Variants in MAP4 observed in about 807,000 individuals in gnomAD.
MAP4 encodes microtubule associated protein 4, also known as microtubule-associated protein 4.
Under a neutral mutation model 170.2 loss-of-function variants are expected in MAP4, and 76 were observed. The observed-to-expected ratio is 0.45, with a 90% confidence interval of 0.37 to 0.54. MAP4 has a LOEUF of 0.54. MAP4 is among the 20% of genes least tolerant of loss of function. The probability of loss-of-function intolerance (pLI) is 0.00; values close to 1 mark genes in which losing one functional copy is unlikely to be tolerated. For synonymous variants in MAP4, 909 were observed against 994.5 expected, an observed-to-expected ratio of 0.91 and a Z score of 1.62; for missense variants, 2,506 against 2,748.0, an observed-to-expected ratio of 0.91 and a Z score of 1.97.
chr3:47,884,660 G>A (rs2097279418), intron 10 of MAP4, among the ~76,000 whole-genome samples: 1 of 152,174 alleles, frequency 6.6e-6, no homozygotes, highest in South Asian at 2.1e-4. Context: ...TAGGGGCTGA[G>A]TGATGCTGGA....
intron 19 of MAP4, 39 bp from the exon 20 acceptor site, chr3:47,853,391 CGAGG>C (rs757385520): frequency 2.1e-6 from 3 of 1,411,900 alleles, no homozygotes; most frequent in Non-Finnish European, 2.9e-6. Context: ...CAGGGTCAGT[CGAGG>C]GGGGGAGTGG....
At chr3:47,866,878 G>A (rs897681181) in intron 17 of MAP4, among the ~76,000 whole-genome samples, 1 of 152,136 alleles carries the variant, frequency 6.6e-6, no homozygotes, top group African/African-American at 2.4e-5. Flanking sequence ...TTACTTCCAC[G>A]GTAATTCAAG....
At chr3:47,892,807 C>A in intron 10 of MAP4, 1 of 1,149,738 alleles carries the variant, frequency 8.7e-7, no homozygotes, top group Non-Finnish European at 1.1e-6. Flanking sequence ...CAATTTAAAA[C>A]ACAGTATGGT....
chr3:47,879,339 A>G (rs1576967659), intron 10 of MAP4, among the ~76,000 whole-genome samples: 1 of 152,246 alleles, frequency 6.6e-6, no homozygotes, highest in Non-Finnish European at 1.5e-5. Flanking sequence ...ATGCATTTTA[A>G]AAGAATTTTT....
intron 10 of MAP4, among the ~76,000 whole-genome samples, chr3:47,888,994 C>G (rs2098132047): frequency 6.6e-6 from 1 of 152,174 alleles, no homozygotes; most frequent in Admixed American, 6.5e-5. Context: ...ATGGAAATGA[C>G]AGTCATGCAA....
At chr3:47,932,112 C>T (rs2100050212) in intron 3 of MAP4, among the ~76,000 whole-genome samples, 1 of 152,166 alleles carries the variant, frequency 6.6e-6, no homozygotes, top group Non-Finnish European at 1.5e-5. Context: ...CCCTCGGTAA[C>T]CACTCGTCTA....
At chr3:48,068,766 A>T (rs114790596) in intron 1 of MAP4, among the ~76,000 whole-genome samples, 312 of 152,346 alleles carry the variant, frequency 2.0e-3, no homozygotes, top group Non-Finnish European at 3.7e-3. Context: ...CCTGGGCAAC[A>T]GAGCGTCCGT....
Position 47,956,240 on chromosome 3 carries a change from G to T in MAP4, c.292+21625C>A, listed in dbSNP as rs534643145. 7.2e-5 allele frequency among the ~76,000 whole-genome samples: 11 copies of T among 152,272 alleles called. 1 individual carries two copies. The South Asian group carries it at 2.3e-3, about 32-fold the overall frequency. ...TACATAGGAGGTAGCTCAGACTTCA[G>T]CATTGAGTTCTGTTGCATTGCTTCC... is the stretch of plus-strand genomic sequence containing the variant. On this transcript the variant is annotated intron_variant, in intron 3 of 20. Transcript: ENST00000683076.
In MAP4 at chr3:47,996,024, G is replaced by A. The variant is rs946004280; in HGVS notation, c.223+2614C>T. On this transcript the variant is annotated intron_variant, in intron 2 of 20. Coordinates refer to ENST00000683076, the MANE Select transcript of MAP4 (RefSeq NM_001385682.1). ...AGGATTGTCTTCACAGATGTCTGCC[G>A]CATGCTCACAGGAAAGATTGGAAGC... is the stretch of plus-strand genomic sequence containing the variant. Among the ~76,000 whole-genome samples, 11 of 152,264 alleles carry A rather than the reference G, an allele frequency of 7.2e-5. 1 individual carries two copies. The highest frequency in any genetic ancestry group is 2.4e-4 in the African/African-American group (10 of 41,544).
intron 3 of MAP4, among the ~76,000 whole-genome samples, chr3:47,961,575 C>T (rs1203302473): frequency 1.3e-5 from 2 of 152,120 alleles, no homozygotes; most frequent in Non-Finnish European, 2.9e-5. Context: ...CAATATATTG[C>T]CTCTCAATTC....
intron 3 of MAP4, among the ~76,000 whole-genome samples, chr3:47,965,527 G>A (rs181420013): frequency 6.6e-6 from 1 of 152,196 alleles, no homozygotes; most frequent in East Asian, 1.9e-4. Flanking sequence ...AGTACACAAG[G>A]GTTCTAATTT....
In MAP4 at chr3:47,913,790, TTATGTCCCA is replaced by T. The variant is rs570001694; in HGVS notation, c.1999+1018_1999+1026del. 5.9e-5 allele frequency among the ~76,000 whole-genome samples: 9 copies of T among 152,320 alleles called. No individual in the cohort carries two copies. In the East Asian group the frequency reaches 1.7e-3, roughly 29 times the overall value. ...TCTAAGTGAAATAAGTCATGGGCCC[TTATGTCCCA>T]TATGTCAGGATGTCCACATTCCAAT... is the stretch of plus-strand genomic sequence containing the variant. On this transcript the variant is annotated intron_variant, in intron 8 of 20. Coordinates refer to ENST00000683076, the MANE Select transcript of MAP4 (RefSeq NM_001385682.1).
chr3:48,063,078 GACA>G (rs1453178360), intron 1 of MAP4, among the ~76,000 whole-genome samples: 1 of 150,682 alleles, frequency 6.6e-6, no homozygotes, highest in Non-Finnish European at 1.5e-5. Context: ...TGCCAATTAA[GACA>G]ACAATAATTC....
Position 47,990,701 on chromosome 3 carries a change from C to T in MAP4, c.223+7937G>A, listed in dbSNP as rs139829440. ...GAACAAGAGTCACAGATGTTTGCTT[C>T]GTCATTCACATCTAAGAGAAAGGGT... On this transcript the variant is annotated intron_variant, in intron 2 of 20. Transcript: ENST00000683076. 7.5e-4 allele frequency among the ~76,000 whole-genome samples: 114 copies of T among 152,254 alleles called. 1 individual carries two copies. The highest frequency in any genetic ancestry group is 2.6e-3 in the African/African-American group (110 of 41,558).
intron 3 of MAP4, among the ~76,000 whole-genome samples, chr3:47,942,871 A>C (rs879610435): frequency 1.5e-4 from 23 of 152,180 alleles, no homozygotes; most frequent in Non-Finnish European, 3.4e-4. Flanking sequence ...GCAATTTGGG[A>C]GGTGGAGGCA....
Position 47,955,435 on chromosome 3 carries a change from TACACACACAC to T in MAP4, c.292+22420_292+22429del, listed in dbSNP as rs3079351. On this transcript the variant is annotated intron_variant, in intron 3 of 20. Transcript: ENST00000683076. Reference sequence around the variant, plus strand: ...CCAAAAAAATAAATAAATAAGCACGTACACACACACACACACACACACACACACACACACA... The same window carrying T: ...CCAAAAAAATAAATAAATAAGCACGTACACACACACACACACACACACACA... 5.8e-3 allele frequency among the ~76,000 whole-genome samples: 787 copies of T among 135,478 alleles called. 8 individuals carry two copies. Among genetic ancestry groups the T allele is most frequent in the East Asian group, 0.018 (82 of 4,544 alleles). 88.9% of individuals were successfully genotyped at this position (135,478 alleles called of 152,430 possible).
chr3:48,037,359 T>G (rs2100119255), intron 1 of MAP4, among the ~76,000 whole-genome samples: 1 of 152,146 alleles, frequency 6.6e-6, no homozygotes, highest in Non-Finnish European at 1.5e-5. Flanking sequence ...TCTTTCACGC[T>G]TAATAATTAA....
At chr3:47,883,808 C>T (rs900712857) in intron 10 of MAP4, among the ~76,000 whole-genome samples, 5 of 151,952 alleles carry the variant, frequency 3.3e-5, no homozygotes, top group Non-Finnish European at 7.4e-5. Flanking sequence ...TCCCCAGTTT[C>T]TGATAAGAAA....
At chr3:47,893,423 C>A (rs1212013573) in intron 10 of MAP4, among the ~76,000 whole-genome samples, 3 of 152,198 alleles carry the variant, frequency 2.0e-5, no homozygotes, top group Non-Finnish European at 4.4e-5. Context: ...GGGGGCAGTG[C>A]ATCTTTCTCT....
Sources: allele counts gnomAD v4.1 joint callset (sites outside exome capture counted in the v4.1 genomes callset), GRCh38; gene constraint gnomAD v4.1.1; transcripts MANE v1.5; gene names NCBI Gene and HGNC (gene_info 2026-07-23, HGNC 2026-07-21).